The following ADNP2 variants were observed in gnomAD, a reference collection of about 807,000 sequenced individuals.
ADNP2 encodes the protein activity-dependent neuroprotector homeobox protein 2.
Under a neutral mutation model 16.4 loss-of-function variants are expected in ADNP2, and 8 were observed. That is an observed-to-expected ratio of 0.49 (90% CI 0.29 to 0.88). The LOEUF (loss-of-function observed/expected upper bound fraction) is 0.88. Ranked by LOEUF, ADNP2 falls within the 40% of genes least tolerant of loss-of-function variation. ADNP2 has a pLI of 0.09. For synonymous variants in ADNP2, 637 were observed against 545.8 expected (o/e 1.17, Z -2.33); for missense variants, 1,397 against 1,395.1 (o/e 1.00, Z -0.02).
At chr18:80,113,497 A>G (rs908748457) in intron 1 of ADNP2, among the ~76,000 whole-genome samples, 2 of 151,094 alleles carry the variant, frequency 1.3e-5, no homozygotes, top group Non-Finnish European at 2.9e-5. Flanking sequence ...CTTTACCTCA[A>G]TAATTTTTTG....
Position 80,138,700 on chromosome 18 carries a change from A to C in ADNP2, c.3287A>C (p.Tyr1096Ser). ...GCTTCATTTTTTGGAAAAAGAAGGT[A>C]TATTTGCATGAAAGCAATAAAAAAT... ...DVASFFGKRRYICMKAIKNHK... is the reference protein window; with the variant it reads ...DVASFFGKRRSICMKAIKNHK... The change falls in exon 4 of 4, where the codon TAT (tyrosine) becomes TCT (serine). Residue 1096 changes from tyrosine to serine, a missense_variant. Around this residue, in one of 3 missense-constraint regions of ADNP2, gnomAD observed 611 missense variants for 648.7 expected, o/e 0.94. Transcript: ENST00000262198. 6.2e-7 allele frequency: 1 copy of C among 1,612,196 alleles called. No homozygotes were observed. Among genetic ancestry groups the C allele is most frequent in the Non-Finnish European group, 8.5e-7 (1 of 1,179,690 alleles).
At chr18:80,115,625 A>G (rs750198448) in intron 1 of ADNP2, among the ~76,000 whole-genome samples, 7 of 152,174 alleles carry the variant, frequency 4.6e-5, no homozygotes, top group Non-Finnish European at 1.0e-4. Context: ...CTTGAGATAT[A>G]ATTTATGTAC....
chr18:80,136,030 T>C lies in ADNP2; in HGVS notation c.617T>C (p.Ile206Thr), dbSNP rs2052530822. The change falls in exon 4 of 4, where the codon ATA becomes ACA. Residue 206 changes from isoleucine to threonine, a missense_variant. Coordinates refer to ENST00000262198, the MANE Select transcript of ADNP2 (RefSeq NM_014913.4). ...EQPKTNDTVS[I>T]EKIPPPDKYY... ...CCGAAAACTAACGATACTGTTTCTA[T>C]AGAGAAGATCCCACCACCTGACAAA... 6.2e-7 allele frequency: 1 copy of C among 1,614,226 alleles called. No individual in the cohort carries two copies. Among genetic ancestry groups the C allele is most frequent in the Non-Finnish European group, 8.5e-7 (1 of 1,180,046 alleles).
chr18:80,114,543 C>G (rs1267544187), intron 1 of ADNP2, among the ~76,000 whole-genome samples: 1 of 152,104 alleles, frequency 6.6e-6, no homozygotes, highest in East Asian at 1.9e-4. Flanking sequence ...CCACATTACC[C>G]TAAATACTAC....
chr18:80,135,491 A>G (rs953976714), intron 3 of ADNP2, 121 bp from the exon 4 acceptor site: 11 of 1,056,330 alleles, frequency 1.0e-5, no homozygotes, highest in Non-Finnish European at 1.2e-5. Flanking sequence ...GTTAGAAAAC[A>G]TTAAGTCAGG....
At chr18:80,111,615 G>GGAGT (rs1237505789) in intron 1 of ADNP2, among the ~76,000 whole-genome samples, 1 of 149,612 alleles carries the variant, frequency 6.7e-6, no homozygotes, top group East Asian at 2.0e-4. Context: ...CGCCCAGGCT[G>GGAGT]GAGTGCAGTG....
Position 80,138,192 on chromosome 18 carries a change from A to T in ADNP2, c.2779A>T (p.Thr927Ser). 6.2e-7 allele frequency: 1 copy of T among 1,614,044 alleles called. No homozygotes were observed. Among genetic ancestry groups the T allele is most frequent in the South Asian group, 1.1e-5 (1 of 91,074 alleles). ...CTGTGGGGTCTACACGGGAAATATG[A>T]CCCTGGCTGCCATCGCCGTCCATTT... ...HCCGVYTGNM[T>S]LAAIAVHLVR... is the part of the protein sequence containing the mutation. The change falls in exon 4 of 4, where the codon ACC becomes TCC. Residue 927 changes from threonine (T) to serine (S), a missense_variant. Coordinates refer to ENST00000262198, the MANE Select transcript of ADNP2 (RefSeq NM_014913.4).
intron 1 of ADNP2, among the ~76,000 whole-genome samples, chr18:80,116,721 G>C (rs2055435068): frequency 6.6e-6 from 1 of 152,060 alleles, no homozygotes; most frequent in Non-Finnish European, 1.5e-5. Context: ...CTGCAGCCTT[G>C]ACCTCCTGGG....
chr18:80,133,386 G>T (rs974498667), intron 3 of ADNP2, among the ~76,000 whole-genome samples, 194 bp downstream of exon 3: 3 of 152,206 alleles, frequency 2.0e-5, no homozygotes, highest in African/African-American at 7.2e-5. Flanking sequence ...GCTCTGTTCT[G>T]TGTGCAGAGT....
chr18:80,123,834 A>G (rs1233481762), intron 2 of ADNP2, among the ~76,000 whole-genome samples: 2 of 151,768 alleles, frequency 1.3e-5, no homozygotes, highest in African/African-American at 2.4e-5. Flanking sequence ...GGTTCAAGCC[A>G]TTCTCCTGCC....
At chr18:80,124,260 C>T (rs955134158) in intron 2 of ADNP2, among the ~76,000 whole-genome samples, 3 of 152,184 alleles carry the variant, frequency 2.0e-5, no homozygotes, top group African/African-American at 4.8e-5. Context: ...GTCTCTCTCT[C>T]TGTCTCATTT....
At chr18:80,129,192 C>T (rs1319668356) in intron 2 of ADNP2, among the ~76,000 whole-genome samples, 1 of 146,322 alleles carries the variant, frequency 6.8e-6, no homozygotes, top group African/African-American at 2.5e-5. Flanking sequence ...CAAGCTCTGC[C>T]TCCCTGGTTC....
intron 2 of ADNP2, among the ~76,000 whole-genome samples, chr18:80,119,774 T>G (rs1245372616): frequency 6.6e-6 from 1 of 152,192 alleles, no homozygotes; most frequent in East Asian, 1.9e-4. Flanking sequence ...GATCAGAAAT[T>G]AACATTGGAT....
At chr18:80,128,548 G>C (rs2052474983) in intron 2 of ADNP2, among the ~76,000 whole-genome samples, 2 of 152,154 alleles carry the variant, frequency 1.3e-5, no homozygotes. Flanking sequence ...TAGTGGGGAG[G>C]CTTAGGCAGG....
In ADNP2 at chr18:80,136,218, A is replaced by C; in HGVS notation, c.805A>C (p.Lys269Gln). ...CTTGAAGCAAACGCACATTGCTCCA[A>C]AACCAGCAGCACATTTGGCTGCACC... ...GLLKQTHIAP[K>Q]PAAHLAAPAN... Residue 269 changes from lysine (K) to glutamine (Q), a missense_variant, in exon 4 of 4, where the codon AAA becomes CAA. Lys to Gln is a moderately conservative substitution (Grantham distance 53). This residue lies in a region of ADNP2 where 777 missense variants were observed against 719.4 expected (regional missense o/e 1.08). Coordinates refer to ENST00000262198, the MANE Select transcript of ADNP2 (RefSeq NM_014913.4). 6.2e-7 allele frequency: 1 copy of C among 1,614,272 alleles called. No homozygotes were observed. The highest frequency in any genetic ancestry group is 1.6e-4 in the Middle Eastern group (1 of 6,062).
chr18:80,123,012 T>TA (rs1020114776), intron 2 of ADNP2, among the ~76,000 whole-genome samples: 29 of 152,156 alleles, frequency 1.9e-4, no homozygotes, highest in Non-Finnish European at 3.7e-4. Flanking sequence ...ATTTTTTTTT[T>TA]AATCATGAAA....
rs562241776 is a variant in ADNP2 at position 80,138,179 on chromosome 18, C to T, written c.2766C>T (p.Tyr922=). ...AGTGCATCCACTGCTGTGGGGTCTA[C>T]ACGGGAAATATGACCCTGGCTGCCA... ...AFKCIHCCGV[Y]TGNMTLAAIA... Residue 922 remains tyrosine (Y), a synonymous_variant, in exon 4 of 4, where the codon TAC becomes TAT. Coordinates refer to ENST00000262198, the MANE Select transcript of ADNP2 (RefSeq NM_014913.4). 2.3e-5 allele frequency: 37 copies of T among 1,614,192 alleles called. No homozygotes were observed. The South Asian group carries it at 4.0e-4, about 17-fold the overall frequency.
At chr18:80,130,581 T>C (rs1177696556) in intron 2 of ADNP2, among the ~76,000 whole-genome samples, 2 of 152,128 alleles carry the variant, frequency 1.3e-5, no homozygotes, top group African/African-American at 4.8e-5. Context: ...AAATGGAAAA[T>C]GTTTTTCTTG....
chr18:80,138,566 T>C lies in ADNP2; in HGVS notation c.3153T>C (p.Tyr1051=), dbSNP rs369819460. The change falls in exon 4 of 4, where the codon TAT becomes TAC. Residue 1051 remains tyrosine (Y), a synonymous_variant. Transcript: ENST00000262198. ...LDPKKYEGRS[Y]EEKKQFLKDY... is the part of the protein sequence containing the mutation. ...CTAAAAAATATGAAGGCCGTTCTTA[T>C]GAAGAAAAGAAGCAATTTCTTAAAG... is the stretch of plus-strand genomic sequence containing the variant. 200 of 1,610,412 alleles carry C rather than the reference T, an allele frequency of 1.2e-4. No homozygotes were observed. The highest frequency in any genetic ancestry group is 7.8e-4 in the Admixed American group (46 of 59,086).
Sources: gnomAD v4.1 joint callset for allele counts (sites outside exome capture counted in the v4.1 genomes callset) on GRCh38, gnomAD v4.1.1 for gene constraint, gnomAD v4.1.1 regional missense constraint, MANE v1.5 for transcripts, NCBI Gene and HGNC (gene_info 2026-07-23, HGNC 2026-07-21) for gene names.